SYNDIG1: variants seen among roughly 807,000 people sequenced by gnomAD.
SYNDIG1 encodes the protein synapse differentiation-inducing gene protein 1.
A neutral mutation model predicts 19.4 loss-of-function variants in SYNDIG1; 9 were observed. The observed-to-expected ratio is 0.46, with a 90% CI of 0.28 to 0.81. The LOEUF (loss-of-function observed/expected upper bound fraction) is 0.81. SYNDIG1 is among the 30% of genes least tolerant of loss of function. The pLI, the probability that SYNDIG1 is intolerant of heterozygous loss-of-function variation, is 0.12. For synonymous variants in SYNDIG1, 141 were observed against 145.9 expected (o/e 0.97, Z 0.24); for missense variants, 311 against 343.3 (o/e 0.91, Z 0.74).
At chr20:24,539,374 G>A (rs2057423054) in intron 1 of SYNDIG1, among the ~76,000 whole-genome samples, 1 of 152,196 alleles carries the variant, frequency 6.6e-6, no homozygotes, top group South Asian at 2.1e-4. Flanking sequence ...ATTGAATGGT[G>A]TTGGCACCCT....
At chr20:24,545,198 G>A (rs564168767) in intron 2 of SYNDIG1, among the ~76,000 whole-genome samples, 2 of 152,152 alleles carry the variant, frequency 1.3e-5, no homozygotes, top group East Asian at 1.9e-4. Flanking sequence ...AACTCCAGCC[G>A]GTGGAGCCCG....
At chr20:24,496,080 C>A (rs188868590) in intron 1 of SYNDIG1, among the ~76,000 whole-genome samples, 1 of 152,112 alleles carries the variant, frequency 6.6e-6, no homozygotes, top group Non-Finnish European at 1.5e-5. Flanking sequence ...CTCCTGACCT[C>A]GTGATCAGCC....
intron 3 of SYNDIG1, among the ~76,000 whole-genome samples, chr20:24,596,471 C>T (rs550392747): frequency 5.9e-5 from 9 of 151,990 alleles, no homozygotes; most frequent in South Asian, 4.2e-4. Context: ...CTCCATCTCC[C>T]GGGTTCAAGC....
chr20:24,474,788 C>A (rs763622095), intron 1 of SYNDIG1, among the ~76,000 whole-genome samples: 23 of 152,244 alleles, frequency 1.5e-4, no homozygotes, highest in Non-Finnish European at 2.8e-4. Context: ...CAGTTGTAAT[C>A]TATCACTTGG....
chr20:24,571,818 G>GT (rs927233900), intron 2 of SYNDIG1, among the ~76,000 whole-genome samples: 2 of 152,154 alleles, frequency 1.3e-5, no homozygotes, highest in African/African-American at 2.4e-5. Context: ...CCCATTGACA[G>GT]TTTTTTTGAA....
chr20:24,577,171 G>C (rs1433586689), intron 2 of SYNDIG1, among the ~76,000 whole-genome samples: 1 of 152,208 alleles, frequency 6.6e-6, no homozygotes, highest in African/African-American at 2.4e-5. Context: ...TCTCCATACA[G>C]CTGTGTATGT....
intron 3 of SYNDIG1, among the ~76,000 whole-genome samples, chr20:24,657,514 T>C (rs2059539353): frequency 6.6e-6 from 1 of 152,180 alleles, no homozygotes; most frequent in Admixed American, 6.5e-5. Context: ...ACATTTGGTT[T>C]CACAGTCCAT....
At chr20:24,617,567 G>A (rs2058957689) in intron 3 of SYNDIG1, among the ~76,000 whole-genome samples, 1 of 152,182 alleles carries the variant, frequency 6.6e-6, no homozygotes. Flanking sequence ...CTTCTGCGAA[G>A]GGGCCCCAGA....
intron 2 of SYNDIG1, among the ~76,000 whole-genome samples, chr20:24,553,934 C>A (rs1484621407): frequency 6.6e-6 from 1 of 152,272 alleles, no homozygotes; most frequent in East Asian, 1.9e-4. Flanking sequence ...TTTCTTCCTA[C>A]CCATGAGCAT....
chr20:24,515,016 T>C (rs1452191481), intron 1 of SYNDIG1, among the ~76,000 whole-genome samples: 1 of 152,190 alleles, frequency 6.6e-6, no homozygotes, highest in Admixed American at 6.5e-5. Flanking sequence ...AACCTGCTCC[T>C]GAATGACTAC....
Position 24,653,465 on chromosome 20 carries a change from C to G in SYNDIG1, c.619-11881C>G, listed in dbSNP as rs1485891809. On this transcript the variant is annotated intron_variant, in intron 3 of 3. Coordinates refer to ENST00000376862, the MANE Select transcript of SYNDIG1 (RefSeq NM_024893.3). ...CTTCAGGGCTTAGTGGCAGACGTTT[C>G]TTAATCCCAGCAGGAGACCAGTCAG... Among the ~76,000 whole-genome samples, 3 of 152,180 alleles carry G rather than the reference C, an allele frequency of 2.0e-5. No individual in the cohort carries two copies. The East Asian group carries it at 5.8e-4, about 29-fold the overall frequency.
chr20:24,488,240 G>A lies in SYNDIG1; in HGVS notation c.-79+18487G>A, dbSNP rs1028608553. 5.9e-5 allele frequency among the ~76,000 whole-genome samples: 9 copies of A among 152,338 alleles called. 1 individual carries two copies. The East Asian group carries it at 1.5e-3, about 26-fold the overall frequency. ...ATTGCTCCTGCAGAGAGGAAGTGTGGGAAATAATTCAGCCGGGATCCTGGC... is the reference window on the plus strand; with the variant it reads ...ATTGCTCCTGCAGAGAGGAAGTGTGAGAAATAATTCAGCCGGGATCCTGGC... On this transcript the variant is annotated intron_variant, in intron 1 of 3. Transcript: ENST00000376862.
intron 2 of SYNDIG1, among the ~76,000 whole-genome samples, chr20:24,580,856 T>C (rs2058310634): frequency 6.6e-6 from 1 of 152,188 alleles, no homozygotes; most frequent in African/African-American, 2.4e-5. Context: ...AGCTAAATCT[T>C]TGCTTCTTGG....
Position 24,557,770 on chromosome 20 carries a change from TGAG to T in SYNDIG1, c.480+14197_480+14199del, listed in dbSNP as rs1302186910. Among the ~76,000 whole-genome samples the T allele has an allele frequency of 2.2e-4, 33 of 152,268 alleles. 1 individual carries two copies. In the East Asian group the frequency reaches 6.4e-3, roughly 29 times the overall value. On this transcript the variant is annotated intron_variant, in intron 2 of 3. Transcript: ENST00000376862. The stretch of plus-strand genomic sequence containing the variant: ...GGGGGTCAGGGGTCAGGGACCCACT[TGAG>T]GAGTCAGTCTGCCCGTTCTCAGATC...
intron 1 of SYNDIG1, among the ~76,000 whole-genome samples, chr20:24,517,704 A>G (rs547879815): frequency 1.3e-4 from 19 of 144,772 alleles, no homozygotes; most frequent in African/African-American, 3.8e-4. Flanking sequence ...ACACATATAT[A>G]TGTGTATATA....
intron 3 of SYNDIG1, among the ~76,000 whole-genome samples, chr20:24,659,365 G>A (rs747666682): frequency 2.6e-5 from 4 of 152,228 alleles, no homozygotes; most frequent in Non-Finnish European, 5.9e-5. Context: ...ACACGGTAGG[G>A]GGAAAGTCTG....
chr20:24,477,999 C>T (rs1239538942), intron 1 of SYNDIG1, among the ~76,000 whole-genome samples: 3 of 152,244 alleles, frequency 2.0e-5, no homozygotes, highest in East Asian at 3.9e-4. Context: ...AAGAACTCCA[C>T]CCTGCCAGTG....
At chr20:24,574,530 A>T (rs2146960749) in intron 2 of SYNDIG1, among the ~76,000 whole-genome samples, 1 of 151,034 alleles carries the variant, frequency 6.6e-6, no homozygotes, top group Admixed American at 6.6e-5. Context: ...AATAAATAAA[A>T]ATAATGCATT....
At chr20:24,571,544 T>C (rs1411795064) in intron 2 of SYNDIG1, among the ~76,000 whole-genome samples, 1 of 152,198 alleles carries the variant, frequency 6.6e-6, no homozygotes, top group Admixed American at 6.5e-5. Context: ...TACACAGATA[T>C]ACATTTATAT....
Sources: gnomAD v4.1 joint callset for allele counts (sites outside exome capture counted in the v4.1 genomes callset) on GRCh38, gnomAD v4.1.1 for gene constraint, MANE v1.5 for transcripts, NCBI Gene and HGNC (gene_info 2026-07-23, HGNC 2026-07-21) for gene names.